STRN3: variants seen among roughly 807,000 people sequenced by gnomAD.
STRN3 encodes the protein striatin-3.
Under a neutral mutation model 95.6 loss-of-function variants are expected in STRN3, and 29 were observed. The observed-to-expected ratio is 0.30, with a 90% CI of 0.23 to 0.41. The LOEUF is 0.41. STRN3 is among the 10% of genes least tolerant of loss of function. STRN3 has a pLI of 1.00. For synonymous variants in STRN3, 331 were observed against 357.6 expected (o/e 0.93, Z 0.84); for missense variants, 890 against 972.1 (o/e 0.92, Z 1.12).
At chr14:30,993,448 T>G (rs1882057308) in intron 1 of STRN3, among the ~76,000 whole-genome samples, 1 of 152,184 alleles carries the variant, frequency 6.6e-6, no homozygotes, top group South Asian at 2.1e-4. Flanking sequence ...CTTCCTAAGA[T>G]TCACTATTGA....
intron 14 of STRN3, 83 bp downstream of exon 14, chr14:30,906,794 G>A: frequency 7.4e-7 from 1 of 1,348,680 alleles, no homozygotes. Context: ...GAACAGTAAA[G>A]AAATACATCA....
At chr14:30,914,699 C>T (rs1594429018) in intron 9 of STRN3, among the ~76,000 whole-genome samples, 1 of 149,024 alleles carries the variant, frequency 6.7e-6, no homozygotes, top group Non-Finnish European at 1.5e-5. Flanking sequence ...TTTAATGTCC[C>T]ATTCTAGTTA....
chr14:30,900,470 C>A (rs923043323), intron 16 of STRN3, among the ~76,000 whole-genome samples: 37 of 145,868 alleles, frequency 2.5e-4, no homozygotes, highest in African/African-American at 9.4e-4. Context: ...TGTGTGTGTT[C>A]AGGCACAGTG....
chr14:31,022,869 G>A (rs773575001), intron 1 of STRN3, among the ~76,000 whole-genome samples: 1 of 152,114 alleles, frequency 6.6e-6, no homozygotes, highest in Non-Finnish European at 1.5e-5. Flanking sequence ...TTAAATGGCA[G>A]TTTCTAACTT....
At chr14:30,946,979 C>CAAAAA (rs569011885) in intron 5 of STRN3, 111 bp downstream of exon 5, 3 of 446,764 alleles carry the variant, frequency 6.7e-6, no homozygotes, top group Admixed American at 8.2e-5. Flanking sequence ...GACTCCGTGT[C>CAAAAA]AAAAAAAAAA....
chr14:30,937,840 C>G (rs575512289), intron 5 of STRN3, among the ~76,000 whole-genome samples: 1 of 152,138 alleles, frequency 6.6e-6, no homozygotes, highest in Non-Finnish European at 1.5e-5. Flanking sequence ...GTTTTTGCCC[C>G]CCTCTCTGAC....
In STRN3 at chr14:30,956,066, T is replaced by C. The variant is rs1371057868; in HGVS notation, c.386+73A>G. On this transcript the variant is annotated intron_variant, in intron 2 of 17. Coordinates refer to ENST00000357479, the MANE Select transcript of STRN3 (RefSeq NM_001083893.2). ...GTACCTTTCAAAAAAAGCTGCCAAATACAGAGTACAATGGTATACATGAGT... is the reference window on the plus strand; with the variant it reads ...GTACCTTTCAAAAAAAGCTGCCAAACACAGAGTACAATGGTATACATGAGT... The C allele has an allele frequency of 6.8e-6, 9 of 1,317,846 alleles. No individual in the cohort carries two copies. The African/African-American group carries it at 1.3e-4, about 19-fold the overall frequency. The allele number at this position is 1,317,846 out of a possible 1,614,324, so 81.6% of individuals were successfully genotyped here. A position where few individuals can be genotyped will look rare whatever the true frequency, so the allele number is the denominator to read the frequency against.
At chr14:30,988,148 C>T (rs1413911152) in intron 1 of STRN3, among the ~76,000 whole-genome samples, 1 of 152,176 alleles carries the variant, frequency 6.6e-6, no homozygotes, top group Non-Finnish European at 1.5e-5. Context: ...TTCCATTATT[C>T]CAAACATTCA....
chr14:30,900,443 C>CGGGG (rs71112349), intron 16 of STRN3, among the ~76,000 whole-genome samples: 110 of 52,340 alleles, frequency 2.1e-3, no homozygotes, highest in African/African-American at 8.7e-3. Context: ...GGGTGTGGGG[C>CGGGG]GGGGGGGGGC....
At chr14:30,943,722 CAT>C (rs1483629107) in intron 5 of STRN3, among the ~76,000 whole-genome samples, 4 of 152,156 alleles carry the variant, frequency 2.6e-5, no homozygotes, top group Non-Finnish European at 5.9e-5. Flanking sequence ...GAAATCCTGT[CAT>C]AAATGACAAC....
chr14:30,913,685 T>A, intron 9 of STRN3, 28 bp from the exon 10 acceptor site: 1 of 1,610,470 alleles, frequency 6.2e-7, no homozygotes, highest in Non-Finnish European at 8.5e-7. Flanking sequence ...GCTTCTTAAA[T>A]GCTGAAAAAT....
chr14:31,021,795 G>GTGTT (rs1314503256), intron 1 of STRN3, among the ~76,000 whole-genome samples: 2 of 152,178 alleles, frequency 1.3e-5, no homozygotes, highest in Non-Finnish European at 2.9e-5. Flanking sequence ...AGAAAACATA[G>GTGTT]TGTTCTACGA....
At chr14:30,908,738 T>C (rs543738797) in intron 13 of STRN3, among the ~76,000 whole-genome samples, 132 of 152,332 alleles carry the variant, frequency 8.7e-4, no homozygotes, top group Non-Finnish European at 1.7e-3. Context: ...TTCTTGGCTC[T>C]CTTGCTCTAG....
At chr14:30,997,459 T>A (rs1023391198) in intron 1 of STRN3, among the ~76,000 whole-genome samples, 1 of 152,152 alleles carries the variant, frequency 6.6e-6, no homozygotes, top group Non-Finnish European at 1.5e-5. Flanking sequence ...CTCTATAGAT[T>A]AGAGCCCGCC....
rs532187043 is a variant in STRN3, at chr14:30,927,268, T to G, written c.1099+1933A>C. On this transcript the variant is annotated intron_variant, in intron 8 of 17. Coordinates refer to ENST00000357479, the MANE Select transcript of STRN3 (RefSeq NM_001083893.2). The stretch of plus-strand genomic sequence containing the variant: ...AGTTTGAGGCTACAGTGAGCTATGA[T>G]TTACACTACTGCACTCCAACCTGGG... Among the ~76,000 whole-genome samples, 7 of 152,210 alleles carry G rather than the reference T, an allele frequency of 4.6e-5. No individual in the cohort carries two copies. The East Asian group carries it at 1.4e-3, about 29-fold the overall frequency.
chr14:30,899,376 A>G (rs999093434), intron 16 of STRN3, among the ~76,000 whole-genome samples: 1 of 152,238 alleles, frequency 6.6e-6, no homozygotes, highest in African/African-American at 2.4e-5. Context: ...TGAAAACTTT[A>G]AATCCTTTAA....
intron 5 of STRN3, 113 bp downstream of exon 5, chr14:30,946,977 G>GT: frequency 1.6e-6 from 1 of 643,810 alleles, no homozygotes; most frequent in East Asian, 3.7e-5. Flanking sequence ...AAGACTCCGT[G>GT]TCAAAAAAAA....
At chr14:30,987,115 T>C (rs1881728987) in intron 1 of STRN3, among the ~76,000 whole-genome samples, 1 of 152,136 alleles carries the variant, frequency 6.6e-6, no homozygotes, top group African/African-American at 2.4e-5. Flanking sequence ...GTACAGGCTG[T>C]ACACTGTGAT....
intron 1 of STRN3, among the ~76,000 whole-genome samples, chr14:31,022,324 G>A (rs991845304): frequency 2.0e-5 from 3 of 150,580 alleles, no homozygotes; most frequent in Admixed American, 6.7e-5. Flanking sequence ...AGCTTGCAGT[G>A]AGCCAAGATG....
Sources: allele counts gnomAD v4.1 joint callset (sites outside exome capture counted in the v4.1 genomes callset), GRCh38; gene constraint gnomAD v4.1.1; transcripts MANE v1.5; gene names NCBI Gene and HGNC (gene_info 2026-07-23, HGNC 2026-07-21).